The following DPP4 variants were observed in gnomAD, a reference collection of about 807,000 sequenced individuals.
The protein encoded by DPP4 is ADCP-2.
In DPP4, 93 loss-of-function variants were observed where a neutral mutation model predicts 122.4. That is an observed-to-expected ratio of 0.76 (90% CI 0.64 to 0.90). The LOEUF (loss-of-function observed/expected upper bound fraction) is 0.90, where lower values mean the gene tolerates loss of function less well. DPP4 is among the 40% of genes least tolerant of loss of function. The pLI, the probability that DPP4 is intolerant of heterozygous loss-of-function variation, is 0.00. For synonymous variants in DPP4, 321 were observed against 302.9 expected, an observed-to-expected ratio of 1.06 and a Z score of -0.62; for missense variants, 914 against 907.3, an observed-to-expected ratio of 1.01 and a Z score of -0.09.
At position 162,054,880 on chromosome 2, in the gene DPP4, A is replaced by G. The variant is rs75065163; in HGVS notation, c.95-7379T>C. 1.4e-4 allele frequency among the ~76,000 whole-genome samples: 21 copies of G among 152,322 alleles called. No individual in the cohort carries two copies. The East Asian group carries it at 4.1e-3, about 29-fold the overall frequency. On this transcript the variant is annotated intron_variant, in intron 2 of 25. Transcript: ENST00000360534. Reference sequence around the variant, plus strand: ...GACTAATAGCCCATGGGGATTTTCAATGATTAAACAAGATAATGTATGTCA... The same window carrying G: ...GACTAATAGCCCATGGGGATTTTCAGTGATTAAACAAGATAATGTATGTCA...
chr2:162,035,191 T>C lies in DPP4; in HGVS notation c.747A>G (p.Pro249=), dbSNP rs1481960406. The change falls in exon 9 of 26, where the codon CCA becomes CCG. Residue 249 remains proline, a synonymous_variant. Coordinates refer to ENST00000360534, the MANE Select transcript of DPP4 (RefSeq NM_001935.4). ...TTGGATATGGAACCCGTACAGTCTT[T>C]GGGTACTGCAGTGACTCATCAGAGT... ...SFYSDESLQY[P]KTVRVPYPKA... is the part of the protein sequence containing the mutation. 1 of 1,613,956 alleles carries C rather than the reference T, an allele frequency of 6.2e-7. No individual in the cohort carries two copies.
At chr2:162,051,631 G>A (rs1225752938) in intron 2 of DPP4, among the ~76,000 whole-genome samples, 1 of 152,180 alleles carries the variant, frequency 6.6e-6, no homozygotes, top group Non-Finnish European at 1.5e-5. Flanking sequence ...TGGGTATAAA[G>A]AAATAAAACG....
intron 2 of DPP4, among the ~76,000 whole-genome samples, chr2:162,055,332 T>C (rs549007335): frequency 1.3e-5 from 2 of 152,304 alleles, no homozygotes; most frequent in African/African-American, 2.4e-5. Context: ...AGACTGATGT[T>C]TCTCTGATTA....
intron 20 of DPP4, among the ~76,000 whole-genome samples, chr2:162,010,377 CTTG>C (rs1342270363): frequency 6.6e-6 from 1 of 152,106 alleles, no homozygotes; most frequent in Non-Finnish European, 1.5e-5. Flanking sequence ...GAACTTTTGC[CTTG>C]TTTTTATCTT....
chr2:162,058,308 C>T (rs79210015), intron 2 of DPP4, among the ~76,000 whole-genome samples: 4,056 of 152,200 alleles, frequency 0.027, 207 homozygotes, highest in African/African-American at 0.093. Flanking sequence ...CTGTGGTGCC[C>T]GAGGTAGGAA....
intron 2 of DPP4, among the ~76,000 whole-genome samples, chr2:162,054,445 T>C (rs1379945179): frequency 6.6e-6 from 1 of 152,192 alleles, no homozygotes; most frequent in Non-Finnish European, 1.5e-5. Context: ...GCATTTTGCG[T>C]ACGAAAAGCA....
intron 2 of DPP4, among the ~76,000 whole-genome samples, chr2:162,049,491 G>T (rs1684308838): frequency 6.6e-6 from 1 of 151,962 alleles, no homozygotes; most frequent in African/African-American, 2.4e-5. Context: ...TGGGGTTGGG[G>T]GTGGGCAGAG....
chr2:162,055,833 T>G (rs865795483), intron 2 of DPP4, among the ~76,000 whole-genome samples: 3 of 152,204 alleles, frequency 2.0e-5, no homozygotes, highest in South Asian at 4.1e-4. Context: ...ATAATGCACA[T>G]TTCCTAGAAT....
chr2:162,057,003 A>T (rs894152436), intron 2 of DPP4, among the ~76,000 whole-genome samples: 4 of 152,062 alleles, frequency 2.6e-5, no homozygotes, highest in Admixed American at 2.6e-4. Flanking sequence ...CCATAAAATG[A>T]CTCAGTGCAT....
In DPP4 at chr2:162,005,820, A is replaced by T. The variant is rs1478417222; in HGVS notation, c.1988-11T>A. 1 of 1,603,952 alleles carries T rather than the reference A, an allele frequency of 6.2e-7. No homozygotes were observed. The highest frequency in any genetic ancestry group is 1.7e-5 in the Admixed American group (1 of 58,824). On this transcript the variant is annotated splice_polypyrimidine_tract_variant and intron_variant, in intron 22 of 25. Coordinates refer to ENST00000360534, the MANE Select transcript of DPP4 (RefSeq NM_001935.4). ...CTGTGTACACTGAGTCTGTGAAAGA[A>T]AAAAAAATAAAAAAAAGTTTAATTC...
chr2:162,014,261 T>C (rs1470048043), intron 19 of DPP4, 135 bp downstream of exon 19: 16 of 705,784 alleles, frequency 2.3e-5, no homozygotes, highest in African/African-American at 3.7e-5. Flanking sequence ...GGCTGTACAG[T>C]GAAAGGAGGA....
chr2:162,073,516 G>C (rs768830934), intron 1 of DPP4, 30 bp from the exon 2 acceptor site: 1 of 1,608,714 alleles, frequency 6.2e-7, no homozygotes, highest in South Asian at 1.1e-5. Context: ...AGTCCAATTA[G>C]AGGGAAGCGT....
chr2:162,062,075 C>T (rs1052531050), intron 2 of DPP4, among the ~76,000 whole-genome samples: 1 of 151,502 alleles, frequency 6.6e-6, no homozygotes, highest in Non-Finnish European at 1.5e-5. Flanking sequence ...ATGAGACCAG[C>T]CTGGCCAACA....
chr2:162,017,166 A>C lies in DPP4; in HGVS notation c.1421-11T>G. The C allele has an allele frequency of 6.2e-7, 1 of 1,610,026 alleles. No individual in the cohort carries two copies. Among genetic ancestry groups the C allele is most frequent in the Non-Finnish European group, 8.5e-7 (1 of 1,178,838 alleles). ...GGGGCAGACCAGGACCTGTTAACAC[A>C]ATGGGGGAAAAATGTTTTGGATGAA... is the stretch of plus-strand genomic sequence containing the variant. On this transcript the variant is annotated splice_polypyrimidine_tract_variant and intron_variant, in intron 16 of 25. Transcript: ENST00000360534.
intron 22 of DPP4, among the ~76,000 whole-genome samples, chr2:162,007,999 G>A (rs1701325802): frequency 1.3e-5 from 2 of 151,822 alleles, no homozygotes; most frequent in South Asian, 4.2e-4. Context: ...ATCTTCCATC[G>A]CTTACTCCCT....
At position 162,053,921 on chromosome 2, in the gene DPP4, C is replaced by T. The variant is rs527246208; in HGVS notation, c.95-6420G>A. 2.6e-5 allele frequency among the ~76,000 whole-genome samples: 4 copies of T among 152,278 alleles called. No homozygotes were observed. In the South Asian group the frequency reaches 8.3e-4, roughly 32 times the overall value. On this transcript the variant is annotated intron_variant, in intron 2 of 25. Coordinates refer to ENST00000360534, the MANE Select transcript of DPP4 (RefSeq NM_001935.4). ...GCGGGGCAAGGCTACCCTTGAGGCC[C>T]CACAACTGTAGAGTCACCAGCATGC...
At chr2:162,042,975 T>C (rs146956591) in intron 5 of DPP4, among the ~76,000 whole-genome samples, 240 of 152,232 alleles carry the variant, frequency 1.6e-3, no homozygotes, top group African/African-American at 5.6e-3. Context: ...CCTGAGTTAA[T>C]AGAGAGAAGC....
chr2:162,019,726 G>A (rs1392007191), intron 14 of DPP4, among the ~76,000 whole-genome samples: 2 of 151,864 alleles, frequency 1.3e-5, no homozygotes, highest in Admixed American at 6.6e-5. Flanking sequence ...TTCGGGCGGC[G>A]GCAAAATTCC....
intron 2 of DPP4, among the ~76,000 whole-genome samples, chr2:162,066,059 A>G (rs909154271): frequency 2.0e-5 from 3 of 152,118 alleles, no homozygotes; most frequent in African/African-American, 4.8e-5. Context: ...CTGATCCAAT[A>G]GGAAAGGGGA....
Sources: gnomAD v4.1 joint callset for allele counts (sites outside exome capture counted in the v4.1 genomes callset) on GRCh38, gnomAD v4.1.1 for gene constraint, MANE v1.5 for transcripts, NCBI Gene and HGNC (gene_info 2026-07-23, HGNC 2026-07-21) for gene names.